ZNF718: variants seen among roughly 807,000 people sequenced by gnomAD.
ZNF718 encodes the protein zinc finger protein 718.
In ZNF718, 3 loss-of-function variants were observed where a neutral mutation model predicts 2.6. The ratio of observed to expected loss-of-function variants is 1.16; its 90% CI spans 0.53 to 3.01. ZNF718 has a LOEUF of 3.01. Among genes scored for constraint, ZNF718 ranks in the 30% most tolerant of loss-of-function variants. ZNF718 has a pLI of 0.03. For synonymous variants in ZNF718, 135 were observed against 77.9 expected, an observed-to-expected ratio of 1.73 and a Z score of -3.86; for missense variants, 468 against 230.0, an observed-to-expected ratio of 2.03 and a Z score of -6.69.
In ZNF718 at chr4:161,029, G is replaced by A. The variant is rs782570425; in HGVS notation, c.344G>A (p.Cys115Tyr). Residue 115 changes from cysteine to tyrosine, a missense_variant, in exon 4 of 4, where the codon TGT becomes TAT. Physicochemically the swap from Cys to Tyr is radical, Grantham distance 194. Transcript: ENST00000510175. ...KRGHENLRKT[C>Y]KSINECKVQK... ...GGACATGAGAATTTAAGAAAAACTT[G>A]TAAAAGTATAAATGAGTGTAAGGTG... is the stretch of plus-strand genomic sequence containing the variant. 1.3e-6 allele frequency: 1 copy of A among 780,744 alleles called. No individual in the cohort carries two copies. Among genetic ancestry groups the A allele is most frequent in the Non-Finnish European group, 2.4e-6 (1 of 417,926 alleles). 48.4% of individuals were successfully genotyped at this position (780,744 alleles called of 1,614,324 possible).
At chr4:198,708 G>A (rs1272220214) in intron 3 of ZNF718, among the ~76,000 whole-genome samples, 7 of 152,338 alleles carry the variant, frequency 4.6e-5, no homozygotes, top group African/African-American at 1.4e-4. Flanking sequence ...CTGGGAAGCA[G>A]CATACAAGTC....
intron 3 of ZNF718, among the ~76,000 whole-genome samples, chr4:189,910 G>T (rs1553820908): frequency 6.6e-6 from 1 of 152,042 alleles, no homozygotes; most frequent in Non-Finnish European, 1.5e-5. Context: ...GTAATATGTT[G>T]ATTTTTAAAA....
intron 1 of ZNF718, among the ~76,000 whole-genome samples, chr4:126,519 G>A (rs75377005): frequency 6.6e-6 from 1 of 152,338 alleles, no homozygotes; most frequent in African/African-American, 2.4e-5. Context: ...GCTGCCTTCA[G>A]CAGGTACCTG....
At chr4:146,967 ATTTTTAT>A (rs1716094841) in intron 3 of ZNF718, among the ~76,000 whole-genome samples, 1 of 151,888 alleles carries the variant, frequency 6.6e-6, no homozygotes, top group African/African-American at 2.4e-5. Flanking sequence ...CTGAGTTTTT[ATTTTTAT>A]TTTTTATTTT....
chr4:199,147 T>C (rs1189555166), intron 3 of ZNF718, among the ~76,000 whole-genome samples: 2 of 152,192 alleles, frequency 1.3e-5, no homozygotes. Flanking sequence ...GGCAGAATGG[T>C]TGATCAAGTT....
chr4:179,909 CAT>C (rs1312523509), intron 3 of ZNF718, among the ~76,000 whole-genome samples: 2 of 151,668 alleles, frequency 1.3e-5, no homozygotes, highest in Non-Finnish European at 2.9e-5. Context: ...AATAAAACAT[CAT>C]ATATGTTTTA....
At chr4:157,727 T>A (rs782658289) in intron 3 of ZNF718, among the ~76,000 whole-genome samples, 1 of 152,126 alleles carries the variant, frequency 6.6e-6, no homozygotes, top group African/African-American at 2.4e-5. Flanking sequence ...TAAAAAAATT[T>A]GTTGAGGGTC....
At chr4:196,670 G>C (rs1717798633) in intron 3 of ZNF718, among the ~76,000 whole-genome samples, 1 of 152,078 alleles carries the variant, frequency 6.6e-6, no homozygotes, top group South Asian at 2.1e-4. Flanking sequence ...TGGGATGACA[G>C]CTTTCTGCCA....
intron 3 of ZNF718, among the ~76,000 whole-genome samples, chr4:155,200 C>T (rs370082023): frequency 2.0e-5 from 3 of 152,018 alleles, no homozygotes; most frequent in African/African-American, 7.3e-5. Flanking sequence ...CATGGAGAAC[C>T]TCTGCTAGGG....
At chr4:125,024 CA>C (rs1715137372) in intron 1 of ZNF718, 3 of 214,224 alleles carry the variant, frequency 1.4e-5, no homozygotes, top group African/African-American at 7.0e-5. Flanking sequence ...ATTGAGGCCC[CA>C]TCAAAACATG....
At chr4:169,232 C>T (rs750161747) in intron 3 of ZNF718, among the ~76,000 whole-genome samples, 1 of 152,122 alleles carries the variant, frequency 6.6e-6, no homozygotes. Flanking sequence ...GTTATAATTT[C>T]TGTTCTTTTA....
intron 3 of ZNF718, among the ~76,000 whole-genome samples, chr4:148,898 T>C (rs1218544703): frequency 1.3e-5 from 2 of 152,170 alleles, no homozygotes; most frequent in African/African-American, 2.4e-5. Flanking sequence ...ATGTTTACAG[T>C]GAGAATTATT....
intron 3 of ZNF718, among the ~76,000 whole-genome samples, chr4:158,556 T>C (rs1314002910): frequency 6.6e-6 from 1 of 151,898 alleles, no homozygotes; most frequent in Non-Finnish European, 1.5e-5. Context: ...TTACATAAAA[T>C]TTCTTAAATT....
intron 3 of ZNF718, among the ~76,000 whole-genome samples, chr4:183,983 T>C (rs1376468218): frequency 6.6e-6 from 1 of 152,172 alleles, no homozygotes; most frequent in African/African-American, 2.4e-5. Context: ...TCTCTTTTTA[T>C]GTGACTACAC....
downstream of ZNF718, among the ~76,000 whole-genome samples, chr4:166,438 A>G (rs1275949030): frequency 2.0e-5 from 3 of 152,150 alleles, no homozygotes; most frequent in Non-Finnish European, 4.4e-5. Context: ...GACTTCCACA[A>G]TGGTTGAACT....
intron 3 of ZNF718, among the ~76,000 whole-genome samples, chr4:171,735 C>T (rs868942168): frequency 2.0e-5 from 3 of 152,166 alleles, no homozygotes; most frequent in Admixed American, 6.5e-5. Flanking sequence ...TTCCAGGTGC[C>T]GTCTGTCATC....
At chr4:166,092 C>T (rs1004769567), downstream of ZNF718, among the ~76,000 whole-genome samples, 4 of 152,208 alleles carry the variant, frequency 2.6e-5, no homozygotes, top group South Asian at 2.1e-4. Flanking sequence ...TGAGTGAGAA[C>T]GTGCAGTGTT....
rs912404823 is a variant in ZNF718, at chr4:164,065, A to C, written c.*1943A>C. On this transcript the variant is annotated 3_prime_UTR_variant, in exon 4 of 4. Coordinates refer to ENST00000510175, the MANE Select transcript of ZNF718 (RefSeq NM_001039127.6). ...ATGTACAATTAAATTATTTTTTATT[A>C]CAGGTAATTTTATGATTGTATTTAG... 6.6e-6 allele frequency: 1 copy of C among 152,022 alleles called. No homozygotes were observed. Among genetic ancestry groups the C allele is most frequent in the Admixed American group, 6.6e-5 (1 of 15,266 alleles). 9.4% of individuals were successfully genotyped at this position (152,022 alleles called of 1,614,324 possible). A position where few individuals can be genotyped will look rare whatever the true frequency, so the allele number is the denominator to read the frequency against.
Position 162,314 on chromosome 4 carries a change from C to A in ZNF718, c.*192C>A, listed in dbSNP as rs948627321. ...AAAAATGTGGAAAAGCCTTCAAATG[C>A]TTGTCACATATTACTGAATATAATT... On this transcript the variant is annotated 3_prime_UTR_variant, in exon 4 of 4. Transcript: ENST00000510175. The A allele has an allele frequency of 4.6e-5, 22 of 479,110 alleles. No homozygotes were observed. Among genetic ancestry groups the A allele is most frequent in the African/African-American group, 4.1e-4 (21 of 51,802 alleles). 29.7% of individuals were successfully genotyped at this position (479,110 alleles called of 1,614,324 possible). A position where few individuals can be genotyped will look rare whatever the true frequency, so the allele number is the denominator to read the frequency against.
Sources: allele counts gnomAD v4.1 joint callset (sites outside exome capture counted in the v4.1 genomes callset), GRCh38; gene constraint gnomAD v4.1.1; transcripts MANE v1.5; gene names NCBI Gene and HGNC (gene_info 2026-07-23, HGNC 2026-07-21).